NCOA2: variants seen among roughly 807,000 people sequenced by gnomAD.
NCOA2 encodes class E basic helix-loop-helix protein 75.
NCOA2 carries 21 observed loss-of-function variants against 145.1 expected under a neutral mutation model. That is an observed-to-expected ratio of 0.14 (90% confidence interval 0.10 to 0.21). The LOEUF is 0.21. NCOA2 is among the 10% of genes least tolerant of loss of function. NCOA2 has a pLI of 1.00. For missense variants in NCOA2, 1,472 were observed against 1,837.6 expected, an observed-to-expected ratio of 0.80 and a Z score of 3.64; for synonymous variants, 619 against 637.5, an observed-to-expected ratio of 0.97 and a Z score of 0.44.
chr8:70,407,122 G>A (rs899315157), upstream of NCOA2, among the ~76,000 whole-genome samples: 2 of 152,134 alleles, frequency 1.3e-5, no homozygotes, highest in African/African-American at 4.8e-5. Context: ...TTCCTAAATT[G>A]CCAAAGCAAA....
intron 20 of NCOA2, 146 bp downstream of exon 20, chr8:70,124,542 T>C (rs777236912): frequency 6.8e-5 from 48 of 704,420 alleles, no homozygotes; most frequent in Non-Finnish European, 1.0e-4. Flanking sequence ...TAGAAATTGC[T>C]GTGGAAGGCG....
chr8:70,205,008 A>G (rs1818290628), intron 4 of NCOA2, among the ~76,000 whole-genome samples: 1 of 152,004 alleles, frequency 6.6e-6, no homozygotes, highest in African/African-American at 2.4e-5. Flanking sequence ...ACCTTGTCTC[A>G]AAAAAAGAAG....
intron 4 of NCOA2, among the ~76,000 whole-genome samples, chr8:70,183,247 A>C (rs1468232631): frequency 6.6e-6 from 1 of 152,234 alleles, no homozygotes; most frequent in Non-Finnish European, 1.5e-5. Context: ...AGAAATGAGA[A>C]GTGAGGTGAG....
chr8:70,365,034 C>T (rs1810564164), intron 1 of NCOA2, among the ~76,000 whole-genome samples: 1 of 152,126 alleles, frequency 6.6e-6, no homozygotes, highest in South Asian at 2.1e-4. Flanking sequence ...GAAGTGCCAA[C>T]TCTTTAGAAC....
intron 2 of NCOA2, among the ~76,000 whole-genome samples, chr8:70,243,469 C>T (rs983881863): frequency 2.0e-5 from 3 of 151,974 alleles, no homozygotes; most frequent in Admixed American, 6.6e-5. Flanking sequence ...TCTTATTTGT[C>T]TTCATGTTCC....
chr8:70,241,005 A>T (rs1822079652), intron 2 of NCOA2, among the ~76,000 whole-genome samples: 1 of 152,152 alleles, frequency 6.6e-6, no homozygotes, highest in Admixed American at 6.6e-5. Context: ...CCTACCAAGG[A>T]AGGTGGACTT....
At chr8:70,189,716 C>T (rs1047321710) in intron 4 of NCOA2, among the ~76,000 whole-genome samples, 1 of 152,170 alleles carries the variant, frequency 6.6e-6, no homozygotes, top group Non-Finnish European at 1.5e-5. Context: ...AGCTCTGCCT[C>T]TTATAGGGTT....
rs190727513 is a variant in NCOA2 at position 70,162,890 on chromosome 8, G to T, written c.833-36C>A. The T allele has an allele frequency of 3.3e-3, 4,357 of 1,307,104 alleles. 10 individuals carry two copies. Among genetic ancestry groups the T allele is most frequent in the Non-Finnish European group, 4.2e-3 (3,964 of 954,464 alleles). 81.0% of individuals were successfully genotyped at this position (1,307,104 alleles called of 1,614,324 possible). A position where few individuals can be genotyped will look rare whatever the true frequency, so the allele number is the denominator to read the frequency against. On this transcript the variant is annotated intron_variant, in intron 8 of 22. Coordinates refer to ENST00000452400, the MANE Select transcript of NCOA2 (RefSeq NM_006540.4). The stretch of plus-strand genomic sequence containing the variant: ...ACAGCAGGCATTATACCTACATGTT[G>T]ATCTATTCTTTATGGAAATAATTTT...
Position 70,159,244 on chromosome 8 carries a change from T to TATGTATATATA in NCOA2, c.1124+260_1124+261insTATATATACAT. 1.1e-3 allele frequency among the ~76,000 whole-genome samples: 78 copies of TATGTATATATA among 69,266 alleles called. 10 individuals carry two copies. Among genetic ancestry groups the TATGTATATATA allele is most frequent in the Middle Eastern group, 7.7e-3 (1 of 130 alleles). The allele number at this position is 69,266 out of a possible 152,430, so 45.4% of individuals were successfully genotyped here. ...ACATTATATATATATATATATATAT[T>TATGTATATATA]TTTTTTTTTTTCCCCCAAATATTTT... On this transcript the variant is annotated intron_variant, in intron 10 of 22. Coordinates refer to ENST00000452400, the MANE Select transcript of NCOA2 (RefSeq NM_006540.4).
upstream of NCOA2, among the ~76,000 whole-genome samples, chr8:70,404,566 A>C (rs965787859): frequency 6.6e-6 from 1 of 152,228 alleles, no homozygotes; most frequent in African/African-American, 2.4e-5. Context: ...CTCCCATTGC[A>C]GTCCTAGCTC....
upstream of NCOA2, among the ~76,000 whole-genome samples, chr8:70,405,450 T>TTTG (rs1563856271): frequency 1.5e-5 from 2 of 129,584 alleles, no homozygotes; most frequent in Non-Finnish European, 3.3e-5. Flanking sequence ...TTTTTTTTTT[T>TTTG]TTTTTTTTTT....
At chr8:70,233,531 C>A (rs532500912) in intron 2 of NCOA2, among the ~76,000 whole-genome samples, 6 of 152,278 alleles carry the variant, frequency 3.9e-5, no homozygotes, top group African/African-American at 1.2e-4. Context: ...GATATTGTAT[C>A]TCTTCCCATA....
At chr8:70,218,366 C>T (rs1819847661) in intron 2 of NCOA2, among the ~76,000 whole-genome samples, 1 of 152,118 alleles carries the variant, frequency 6.6e-6, no homozygotes, top group Admixed American at 6.5e-5. Context: ...AGCAATGCAA[C>T]CAAGTCCCAA....
chr8:70,264,152 C>T (rs553404998), intron 2 of NCOA2, among the ~76,000 whole-genome samples: 6 of 151,256 alleles, frequency 4.0e-5, no homozygotes, highest in East Asian at 1.9e-4. Context: ...GCAGAGGATG[C>T]GGTGAGCCGA....
chr8:70,349,174 T>A (rs147143763), intron 1 of NCOA2, among the ~76,000 whole-genome samples: 1 of 151,948 alleles, frequency 6.6e-6, no homozygotes, highest in East Asian at 1.9e-4. Flanking sequence ...AACAGTATAG[T>A]CCCTACTATT....
intron 18 of NCOA2, 111 bp downstream of exon 18, chr8:70,128,322 G>C (rs1225609246): frequency 5.8e-6 from 5 of 863,632 alleles, no homozygotes; most frequent in African/African-American, 1.7e-5. Context: ...TACAGGGCTA[G>C]TGTGCTGATC....
the NCOA2 span, among the ~76,000 whole-genome samples, chr8:70,425,070 A>G: frequency 1.3e-5 from 2 of 152,200 alleles, no homozygotes; most frequent in Admixed American, 6.5e-5. Flanking sequence ...TGCGGAAGGT[A>G]GGTGATAGGC....
At chr8:70,386,020 T>C (rs1373093467) in intron 1 of NCOA2, among the ~76,000 whole-genome samples, 2 of 152,224 alleles carry the variant, frequency 1.3e-5, no homozygotes, top group East Asian at 1.9e-4. Flanking sequence ...GCCCAAACAG[T>C]ACGTGCAGAC....
chr8:70,314,337 T>C (rs533510588), intron 1 of NCOA2, among the ~76,000 whole-genome samples: 1 of 152,162 alleles, frequency 6.6e-6, no homozygotes, highest in Admixed American at 6.5e-5. Flanking sequence ...TTTCTATCTA[T>C]GGACTAAAAT....
Sources: allele counts gnomAD v4.1 joint callset (sites outside exome capture counted in the v4.1 genomes callset), GRCh38; gene constraint gnomAD v4.1.1; transcripts MANE v1.5; gene names NCBI Gene and HGNC (gene_info 2026-07-23, HGNC 2026-07-21).